Variants in PTPRG observed in about 807,000 individuals in gnomAD.
PTPRG encodes protein tyrosine phosphatase receptor type G, also known as receptor-type tyrosine-protein phosphatase gamma.
PTPRG carries 102 observed loss-of-function variants against 165.3 expected under a neutral mutation model. That is an observed-to-expected ratio of 0.62 (90% confidence interval 0.53 to 0.73). The LOEUF (loss-of-function observed/expected upper bound fraction) is 0.73, where lower values mean the gene tolerates loss of function less well. Ranked by LOEUF, PTPRG falls within the 30% of genes least tolerant of loss-of-function variation. PTPRG has a pLI of 0.00. For synonymous variants in PTPRG, 675 were observed against 669.5 expected (o/e 1.01, Z -0.13); for missense variants, 1,866 against 1,861.4 (o/e 1.00, Z -0.05).
At chr3:62,106,574 C>T (rs1702480857) in intron 5 of PTPRG, among the ~76,000 whole-genome samples, 1 of 148,720 alleles carries the variant, frequency 6.7e-6, no homozygotes, top group African/African-American at 2.5e-5. Flanking sequence ...AATCACGGTT[C>T]ACCGCAGCCT....
Position 61,873,364 on chromosome 3 carries a change from A to G in PTPRG, c.191-116261A>G, listed in dbSNP as rs567074900. On this transcript the variant is annotated intron_variant, in intron 2 of 29. Coordinates refer to ENST00000474889, the MANE Select transcript of PTPRG (RefSeq NM_002841.4). ...TGTGGATACATTTTTAGCTTTACTCATAAGATGTCATATCTTAAAACATCT... is the reference window on the plus strand; with the variant it reads ...TGTGGATACATTTTTAGCTTTACTCGTAAGATGTCATATCTTAAAACATCT... Among the ~76,000 whole-genome samples the G allele has an allele frequency of 1.1e-4, 17 of 152,346 alleles. No homozygotes were observed. The South Asian group carries it at 3.5e-3, about 32-fold the overall frequency.
intron 2 of PTPRG, among the ~76,000 whole-genome samples, chr3:61,986,130 A>G (rs1370430568): frequency 1.3e-5 from 2 of 152,190 alleles, no homozygotes; most frequent in East Asian, 1.9e-4. Flanking sequence ...ATCATATTTA[A>G]TATGATTGAA....
chr3:61,798,802 A>G (rs1176161829), intron 2 of PTPRG, among the ~76,000 whole-genome samples: 1 of 152,050 alleles, frequency 6.6e-6, no homozygotes, highest in African/African-American at 2.4e-5. Flanking sequence ...AGTGAATGAA[A>G]TGTTCTGCTT....
At chr3:62,030,997 T>A (rs1380661589) in intron 4 of PTPRG, among the ~76,000 whole-genome samples, 2 of 152,234 alleles carry the variant, frequency 1.3e-5, no homozygotes, top group Admixed American at 1.3e-4. Context: ...TTCTGAAATT[T>A]CCACTGGCTA....
At chr3:61,676,271 C>G (rs999232160) in intron 1 of PTPRG, among the ~76,000 whole-genome samples, 4 of 151,288 alleles carry the variant, frequency 2.6e-5, no homozygotes, top group Non-Finnish European at 5.9e-5. Flanking sequence ...TCCTGGCTAA[C>G]ACGGTGAAAC....
chr3:61,581,623 T>G (rs1334623289), intron 1 of PTPRG, among the ~76,000 whole-genome samples: 1 of 151,030 alleles, frequency 6.6e-6, no homozygotes, highest in African/African-American at 2.4e-5. Flanking sequence ...TTTTTTTTTT[T>G]TTTTATGAGA....
At chr3:62,123,801 T>C (rs955289908) in intron 5 of PTPRG, among the ~76,000 whole-genome samples, 2 of 152,174 alleles carry the variant, frequency 1.3e-5, no homozygotes, top group Admixed American at 6.5e-5. Context: ...AAAAAGGTAA[T>C]TTCTGACCAA....
At chr3:62,092,249 G>A (rs897917396) in intron 5 of PTPRG, among the ~76,000 whole-genome samples, 5 of 151,744 alleles carry the variant, frequency 3.3e-5, no homozygotes, top group African/African-American at 7.3e-5. Flanking sequence ...TGACCAGCCC[G>A]GCCAACATGG....
Position 61,740,321 on chromosome 3 carries a change from AT to A in PTPRG, c.86-8550del, listed in dbSNP as rs1326459028. Reference sequence around the variant, plus strand: ...CTGATATTTGATGCCGTGAGCCCAAATTTTTTTAGGAAGGTGCCTGTGAGAA... The same window carrying A: ...CTGATATTTGATGCCGTGAGCCCAAATTTTTTAGGAAGGTGCCTGTGAGAA... On this transcript the variant is annotated intron_variant, in intron 1 of 29. Transcript: ENST00000474889. 2.0e-5 allele frequency among the ~76,000 whole-genome samples: 3 copies of A among 152,126 alleles called. No homozygotes were observed. In the East Asian group the frequency reaches 5.8e-4, roughly 29 times the overall value.
intron 1 of PTPRG, among the ~76,000 whole-genome samples, chr3:61,562,925 G>C (rs533848260): frequency 6.6e-6 from 1 of 152,192 alleles, no homozygotes; most frequent in South Asian, 2.1e-4. Flanking sequence ...GGAGCAGCCT[G>C]CGTTCTGGGT....
At chr3:62,202,112 T>G (rs1700108711) in intron 11 of PTPRG, among the ~76,000 whole-genome samples, 1 of 152,138 alleles carries the variant, frequency 6.6e-6, no homozygotes, top group African/African-American at 2.4e-5. Flanking sequence ...GTTGTTCCCG[T>G]TTTACAGATG....
chr3:62,156,940 T>C (rs1704558588), intron 6 of PTPRG, 127 bp from the exon 7 acceptor site: 1 of 854,876 alleles, frequency 1.2e-6, no homozygotes, highest in Admixed American at 2.2e-5. Context: ...TGCTAGTGCT[T>C]CTCAGGATAT....
rs943364988 is a variant in PTPRG, at chr3:62,191,641, C to A, written c.1206C>A (p.Ser402Arg). 2 of 1,613,838 alleles carry A rather than the reference C, an allele frequency of 1.2e-6. No individual in the cohort carries two copies. The highest frequency in any genetic ancestry group is 1.7e-6 in the Non-Finnish European group (2 of 1,179,902). Residue 402 changes from serine to arginine, a missense_variant, in exon 9 of 30, where the codon AGC becomes AGA. Physicochemically the swap from Ser to Arg is moderately radical, Grantham distance 110. This residue lies in a region of PTPRG where 1,452 missense variants were observed against 1,463.0 expected (regional missense o/e 0.99). Transcript: ENST00000474889. ...AGGAGAAGACGTTTACAAAGGACAG[C>A]GACAAAGACTTGGTATGAAGCCCCT... is the stretch of plus-strand genomic sequence containing the variant. ...DEKEKTFTKD[S>R]DKDLKATISH...
chr3:61,719,438 C>T (rs2106783829), intron 1 of PTPRG, among the ~76,000 whole-genome samples: 1 of 152,132 alleles, frequency 6.6e-6, no homozygotes, highest in African/African-American at 2.4e-5. Context: ...GGGATGTGCC[C>T]CTCCTCTCTG....
rs1032480369 is a variant in PTPRG, at chr3:61,974,457, G to T, written c.191-15168G>T. Among the ~76,000 whole-genome samples, 13 of 152,054 alleles carry T rather than the reference G, an allele frequency of 8.5e-5. No individual in the cohort carries two copies. The East Asian group carries it at 9.7e-4, about 11-fold the overall frequency. On this transcript the variant is annotated intron_variant, in intron 2 of 29. Transcript: ENST00000474889. ...AATCCCAGCTACTCGGGAGGCTGAG[G>T]CAGGAGAATCACTGGAACCCAGAAG... is the stretch of plus-strand genomic sequence containing the variant.
intron 14 of PTPRG, among the ~76,000 whole-genome samples, chr3:62,236,456 T>C (rs544548391): frequency 1.3e-5 from 2 of 152,344 alleles, no homozygotes; most frequent in East Asian, 3.9e-4. Flanking sequence ...CAAAAGTAGA[T>C]ATTAATGCGA....
Position 62,065,295 on chromosome 3 carries a change from CT to C in PTPRG, c.520-12866del, listed in dbSNP as rs368620883. On this transcript the variant is annotated intron_variant, in intron 4 of 29. Transcript: ENST00000474889. ...AGGTAGTGATTTTTAACCTTTCTAG[CT>C]TGTGGAGCCCTTGAAGATTCCAGGG... 5.2e-4 allele frequency among the ~76,000 whole-genome samples: 79 copies of C among 152,218 alleles called. No homozygotes were observed. In the East Asian group the frequency reaches 0.012, roughly 24 times the overall value.
intron 2 of PTPRG, among the ~76,000 whole-genome samples, chr3:61,953,349 C>A (rs561539419): frequency 6.6e-6 from 1 of 152,122 alleles, no homozygotes; most frequent in African/African-American, 2.4e-5. Context: ...GACACAGGCA[C>A]GCAGGCAAAA....
At position 61,715,556 on chromosome 3, in the gene PTPRG, C is replaced by T. The variant is rs150628318; in HGVS notation, c.86-33322C>T. ...TCTGTCCATTTGGCAAGGCCCAGAT[C>T]GTATGTCTTGCCCCCTCACTCTACT... On this transcript the variant is annotated intron_variant, in intron 1 of 29. Coordinates refer to ENST00000474889, the MANE Select transcript of PTPRG (RefSeq NM_002841.4). Among the ~76,000 whole-genome samples, 236 of 152,206 alleles carry T rather than the reference C, an allele frequency of 1.6e-3. 1 individual carries two copies. The highest frequency in any genetic ancestry group is 5.4e-3 in the African/African-American group (226 of 41,534).
Sources: allele counts gnomAD v4.1 joint callset (sites outside exome capture counted in the v4.1 genomes callset), GRCh38; gene constraint gnomAD v4.1.1; regional missense constraint gnomAD v4.1.1; transcripts MANE v1.5; gene names NCBI Gene and HGNC (gene_info 2026-07-23, HGNC 2026-07-21).